The following SLC14A2 variants were observed in gnomAD, a reference collection of about 807,000 sequenced individuals.
SLC14A2 encodes the protein urea transporter 2.
SLC14A2 carries 91 observed loss-of-function variants against 104.6 expected under a neutral mutation model. The observed-to-expected ratio is 0.87, with a 90% CI of 0.73 to 1.04. SLC14A2 has a LOEUF of 1.04. SLC14A2 is among the 50% of genes least tolerant of loss of function. SLC14A2 has a pLI of 0.00. For synonymous variants in SLC14A2, 476 were observed against 466.4 expected, an observed-to-expected ratio of 1.02 and a Z score of -0.27; for missense variants, 1,189 against 1,156.0, an observed-to-expected ratio of 1.03 and a Z score of -0.41.
intron 1 of SLC14A2, among the ~76,000 whole-genome samples, chr18:45,245,120 C>A (rs996146204): frequency 6.6e-6 from 1 of 152,204 alleles, no homozygotes; most frequent in Non-Finnish European, 1.5e-5. Context: ...TAACCTTTTC[C>A]TGCACCTCCT....
At chr18:45,660,339 G>A (rs2045918736) in intron 10 of SLC14A2, among the ~76,000 whole-genome samples, 1 of 152,202 alleles carries the variant, frequency 6.6e-6, no homozygotes, top group South Asian at 2.1e-4. Flanking sequence ...GCAGGTAGGT[G>A]TAAAATGCCA....
intron 1 of SLC14A2, among the ~76,000 whole-genome samples, chr18:45,241,296 C>T (rs957435590): frequency 6.6e-6 from 1 of 152,162 alleles, no homozygotes; most frequent in Non-Finnish European, 1.5e-5. Flanking sequence ...GCTCTGGCTG[C>T]TGTCTTGGGA....
chr18:45,368,576 G>T (rs1329532617), intron 1 of SLC14A2, among the ~76,000 whole-genome samples: 1 of 152,224 alleles, frequency 6.6e-6, no homozygotes, highest in Non-Finnish European at 1.5e-5. Context: ...CATTTGGGAA[G>T]TCAGATTTAT....
intron 2 of SLC14A2, among the ~76,000 whole-genome samples, chr18:45,500,782 A>G (rs1168562626): frequency 6.6e-6 from 1 of 152,176 alleles, no homozygotes; most frequent in Non-Finnish European, 1.5e-5. Context: ...CAGACCAGCA[A>G]AGTTAAAGTG....
At chr18:45,520,607 A>C (rs926462226) in intron 2 of SLC14A2, among the ~76,000 whole-genome samples, 3 of 152,202 alleles carry the variant, frequency 2.0e-5, no homozygotes, top group African/African-American at 7.2e-5. Context: ...TTTATAGAGA[A>C]GTGTTTTTCT....
rs1206325854 is a variant in SLC14A2 at position 45,264,066 on chromosome 18, A to G, written c.-125+50875A>G. Among the ~76,000 whole-genome samples, 7 of 152,276 alleles carry G rather than the reference A, an allele frequency of 4.6e-5. No individual in the cohort carries two copies. The South Asian group carries it at 1.0e-3, about 23-fold the overall frequency. On this transcript the variant is annotated intron_variant, in intron 1 of 20. Transcript: ENST00000586448. ...CACTATCTTTTCTATCTATCCATCT[A>G]TCTCTATCTATTAGAATCAAAGGTG...
At chr18:45,342,460 G>A (rs939496506) in intron 1 of SLC14A2, among the ~76,000 whole-genome samples, 7 of 152,162 alleles carry the variant, frequency 4.6e-5, no homozygotes, top group African/African-American at 1.4e-4. Flanking sequence ...TAAAGTCAAG[G>A]GCAGAGACGT....
the SLC14A2 span, among the ~76,000 whole-genome samples, chr18:45,206,341 A>G: frequency 3.6e-4 from 54 of 151,956 alleles, no homozygotes; most frequent in Non-Finnish European, 6.0e-4. Flanking sequence ...TTCCTTTTTC[A>G]TTTGTGACAT....
In SLC14A2 at chr18:45,577,758, G is replaced by T. The variant is rs532318435; in HGVS notation, c.-34-46873G>T. Among the ~76,000 whole-genome samples the T allele has an allele frequency of 2.6e-5, 4 of 152,196 alleles. No homozygotes were observed. In the South Asian group the frequency reaches 8.3e-4, roughly 32 times the overall value. On this transcript the variant is annotated intron_variant, in intron 2 of 20. Transcript: ENST00000586448. The stretch of plus-strand genomic sequence containing the variant: ...ATAGTGAAATTTATCATTAGTCAAA[G>T]TTCACAGGCCAAAATCTCCCAAGTC...
intron 1 of SLC14A2, among the ~76,000 whole-genome samples, chr18:45,443,269 C>T (rs2086709802): frequency 6.6e-6 from 1 of 152,148 alleles, no homozygotes; most frequent in Non-Finnish European, 1.5e-5. Flanking sequence ...GACTTGTGAG[C>T]TTTCAAAATG....
rs201614517 is a variant in SLC14A2 at position 45,675,737 on chromosome 18, CA to C, written c.2512+1921del. On this transcript the variant is annotated intron_variant, in intron 18 of 19. Transcript: ENST00000255226. ...TTTTTTTTTTTTTTTTTTGGAGAGACAGGGCTGCACTATGTTTCCCAGGCTG... is the reference window on the plus strand; with the variant it reads ...TTTTTTTTTTTTTTTTTTGGAGAGACGGGCTGCACTATGTTTCCCAGGCTG... 6.0e-3 allele frequency among the ~76,000 whole-genome samples: 622 copies of C among 103,922 alleles called. 6 individuals carry two copies. Among genetic ancestry groups the C allele is most frequent in the African/African-American group, 0.03 (595 of 19,536 alleles). 68.2% of individuals were successfully genotyped at this position (103,922 alleles called of 152,430 possible).
At chr18:45,365,942 G>C (rs2085661165) in intron 1 of SLC14A2, among the ~76,000 whole-genome samples, 1 of 148,476 alleles carries the variant, frequency 6.7e-6, no homozygotes, top group Non-Finnish European at 1.5e-5. Context: ...GCTGGGGCTA[G>C]ATTATCCCAT....
chr18:45,409,252 A>G (rs1274041816), intron 1 of SLC14A2, among the ~76,000 whole-genome samples: 1 of 152,174 alleles, frequency 6.6e-6, no homozygotes, highest in Non-Finnish European at 1.5e-5. Flanking sequence ...ATGAGTACTA[A>G]GCAAGATATT....
intron 1 of SLC14A2, among the ~76,000 whole-genome samples, chr18:45,345,670 A>C (rs1286106061): frequency 6.6e-6 from 1 of 152,174 alleles, no homozygotes; most frequent in East Asian, 1.9e-4. Context: ...CAGATCTATC[A>C]ATCTCTTTTA....
At chr18:45,499,668 C>CT (rs1460368480) in intron 2 of SLC14A2, among the ~76,000 whole-genome samples, 8 of 152,146 alleles carry the variant, frequency 5.3e-5, no homozygotes, top group Non-Finnish European at 1.0e-4. Context: ...GATCAATATC[C>CT]TTGGAGCTGC....
At chr18:45,515,353 T>C (rs1050108446) in intron 2 of SLC14A2, 1 of 152,142 alleles carries the variant, frequency 6.6e-6, no homozygotes, top group African/African-American at 2.4e-5. Context: ...ATCAAAAACA[T>C]GGGTTTTAAG....
intron 1 of SLC14A2, among the ~76,000 whole-genome samples, chr18:45,291,670 C>T (rs2084870411): frequency 6.6e-6 from 1 of 152,192 alleles, no homozygotes; most frequent in South Asian, 2.1e-4. Flanking sequence ...TTGAACACCA[C>T]TCGTTGGCAT....
chr18:45,232,391 G>A (rs567288296), intron 1 of SLC14A2, among the ~76,000 whole-genome samples: 1 of 152,134 alleles, frequency 6.6e-6, no homozygotes, highest in Non-Finnish European at 1.5e-5. Flanking sequence ...CCATGATCCA[G>A]TCTCCTCCCA....
rs1329142444 is a variant in SLC14A2 at position 45,666,900 on chromosome 18, T to C, written c.1558-35T>C. The C allele has an allele frequency of 4.4e-6, 7 of 1,591,982 alleles. No individual in the cohort carries two copies. The African/African-American group carries it at 6.7e-5, about 15-fold the overall frequency. On this transcript the variant is annotated intron_variant, in intron 12 of 19. Coordinates refer to ENST00000255226, the MANE Select transcript of SLC14A2 (RefSeq NM_007163.4). ...AATTCTCAGTGTAAGAACCACCGAATGTGGGAGACTCTTGCCTATCTCTGT... is the reference window on the plus strand; with the variant it reads ...AATTCTCAGTGTAAGAACCACCGAACGTGGGAGACTCTTGCCTATCTCTGT...
Sources: allele counts gnomAD v4.1 joint callset (sites outside exome capture counted in the v4.1 genomes callset), GRCh38; gene constraint gnomAD v4.1.1; transcripts MANE v1.5; gene names NCBI Gene and HGNC (gene_info 2026-07-23, HGNC 2026-07-21).